The following TRMT2B variants were observed in gnomAD, a reference collection of about 807,000 sequenced individuals.
TRMT2B encodes tRNA methyltransferase 2B.
TRMT2B carries 34 observed loss-of-function variants against 39.7 expected under a neutral mutation model. The ratio of observed to expected loss-of-function variants is 0.86; its 90% CI spans 0.65 to 1.14. The LOEUF (loss-of-function observed/expected upper bound fraction) is 1.14, where lower values mean the gene tolerates loss of function less well. Among genes scored for constraint, TRMT2B ranks in the 50% most tolerant of loss-of-function variants. The pLI is 0.00. For synonymous variants in TRMT2B, 132 were observed against 137.3 expected, an observed-to-expected ratio of 0.96 and a Z score of 0.27; for missense variants, 318 against 377.2, an observed-to-expected ratio of 0.84 and a Z score of 1.30.
At chrX:100,985,727 A>G in the TRMT2B span, 1 of 1,208,638 alleles carries the variant, frequency 8.3e-7, no homozygotes, top group Non-Finnish European at 1.1e-6. Context: ...TTGTTAGATG[A>G]GTATGAACTT....
chrX:101,047,531 T>C (rs977538573), intron 2 of TRMT2B, among the ~76,000 whole-genome samples: 1 of 111,160 alleles, frequency 9.0e-6, no homozygotes. Flanking sequence ...TTTGTTTGTT[T>C]TAAAAATGAG....
At chrX:101,030,395 C>T (rs1210407153) in intron 7 of TRMT2B, among the ~76,000 whole-genome samples, 1 of 107,608 alleles carries the variant, frequency 9.3e-6, no homozygotes, top group South Asian at 4.1e-4. Flanking sequence ...TTGGAGATAC[C>T]GGACACATTG....
the TRMT2B span, among the ~76,000 whole-genome samples, chrX:100,982,416 C>T: frequency 9.1e-6 from 1 of 109,945 alleles, no homozygotes; most frequent in African/African-American, 3.3e-5. Flanking sequence ...TGCTTGAACT[C>T]GGGAGGCAAA....
At chrX:101,024,570 T>C (rs773166084) in intron 7 of TRMT2B, among the ~76,000 whole-genome samples, 1 of 111,288 alleles carries the variant, frequency 9.0e-6, no homozygotes, top group Non-Finnish European at 1.9e-5. Flanking sequence ...AAGCCTATAT[T>C]CCCAGCACTT....
At chrX:101,016,087 C>CA (rs754447251) in intron 13 of TRMT2B, among the ~76,000 whole-genome samples, 1 of 111,301 alleles carries the variant, frequency 9.0e-6, no homozygotes, top group Non-Finnish European at 1.9e-5. Flanking sequence ...CAAAACAAAA[C>CA]AAAAAAACAA....
the TRMT2B span, among the ~76,000 whole-genome samples, chrX:100,979,243 C>T: frequency 1.2e-4 from 13 of 111,723 alleles, no homozygotes; most frequent in South Asian, 4.8e-3. Flanking sequence ...CAGGTGATTT[C>T]TTATTGCTCA....
At chrX:101,038,722 T>C (rs2088019441) in intron 4 of TRMT2B, among the ~76,000 whole-genome samples, 1 of 112,021 alleles carries the variant, frequency 8.9e-6, no homozygotes, top group Admixed American at 9.6e-5. Context: ...ACTTGAAATG[T>C]GGTCAGTGGG....
intron 2 of TRMT2B, 103 bp from the exon 3 acceptor site, chrX:101,042,415 T>G (rs769208833): frequency 1.1e-6 from 1 of 890,776 alleles, no homozygotes; most frequent in African/African-American, 2.0e-5. Flanking sequence ...CCTAGCAGAA[T>G]GCTGGCACAC....
At chrX:100,985,772 G>A in the TRMT2B span, 38 of 1,209,379 alleles carry the variant, frequency 3.1e-5, no homozygotes, top group Middle Eastern at 2.3e-4. Context: ...CTGAAGGGCC[G>A]GGAAGCATGG....
In TRMT2B at chrX:101,021,317, TG is replaced by T; in HGVS notation, c.852-3del. On this transcript the variant is annotated splice_region_variant and splice_polypyrimidine_tract_variant and intron_variant, in intron 9 of 13. Coordinates refer to ENST00000372936, the MANE Select transcript of TRMT2B (RefSeq NM_024917.6). ...TGATGGCTGCAACGGGTCATGGTAC[TG>T]GAAAGGAATAAAAGAAGAAAGCATC... 1 of 1,197,077 alleles carries T rather than the reference TG, an allele frequency of 8.4e-7. No individual in the cohort carries two copies. The highest frequency in any genetic ancestry group is 3.0e-5 in the East Asian group (1 of 33,676).
At position 101,045,855 on chromosome X, in the gene TRMT2B, A is replaced by T. The variant is rs187871402; in HGVS notation, c.-23-3543T>A. On this transcript the variant is annotated intron_variant, in intron 2 of 13. Coordinates refer to ENST00000372936, the MANE Select transcript of TRMT2B (RefSeq NM_024917.6). ...TTTTAAAAATTAAGAAAATAAAAAT[A>T]AAAAAAACAGGCCAGGCGCAGTGGC... 7.7e-3 allele frequency among the ~76,000 whole-genome samples: 829 copies of T among 107,698 alleles called. 4 individuals carry two copies. The highest frequency in any genetic ancestry group is 0.026 in the African/African-American group (776 of 29,681). 93.5% of individuals were successfully genotyped at this position (107,698 alleles called of 115,157 possible). A position where few individuals can be genotyped will look rare whatever the true frequency, so the allele number is the denominator to read the frequency against.
In TRMT2B at chrX:101,042,007, C is replaced by T. The variant is rs1345417042; in HGVS notation, c.248+35G>A. On this transcript the variant is annotated intron_variant, in intron 3 of 13. Coordinates refer to ENST00000372936, the MANE Select transcript of TRMT2B (RefSeq NM_024917.6). Reference sequence around the variant, plus strand: ...TTTCAGCAGATGTACAGATTGAGACCTGCTAAGGAGAGAGGACATCAGCCT... The same window carrying T: ...TTTCAGCAGATGTACAGATTGAGACTTGCTAAGGAGAGAGGACATCAGCCT... 3.3e-6 allele frequency: 4 copies of T among 1,201,959 alleles called. No individual in the cohort carries two copies. The South Asian group carries it at 5.4e-5, about 16-fold the overall frequency.
chrX:101,012,045 TAGA>T (rs1352067769), intron 13 of TRMT2B, among the ~76,000 whole-genome samples: 2 of 111,647 alleles, frequency 1.8e-5, no homozygotes, highest in East Asian at 2.8e-4. Flanking sequence ...AAAACATAAG[TAGA>T]AGGAGTATCT....
At chrX:100,988,349 T>C in the TRMT2B span, 49 of 1,204,738 alleles carry the variant, frequency 4.1e-5, no homozygotes, top group East Asian at 1.4e-3. Context: ...CCAACTAACT[T>C]TCCCCCCCAT....
intron 13 of TRMT2B, among the ~76,000 whole-genome samples, chrX:101,012,682 C>A (rs1424302354): frequency 2.7e-5 from 3 of 110,725 alleles, no homozygotes; most frequent in African/African-American, 9.9e-5. Flanking sequence ...ATAGCAAAGA[C>A]TTGGAACCAA....
the TRMT2B span, chrX:100,988,168 T>C: frequency 8.6e-7 from 1 of 1,160,618 alleles, no homozygotes; most frequent in South Asian, 1.9e-5. Context: ...TTTCTACTAC[T>C]GCTGTCCTTT....
At chrX:101,003,682 A>C in the TRMT2B span, among the ~76,000 whole-genome samples, 246 of 112,061 alleles carry the variant, frequency 2.2e-3, 1 homozygote, top group Middle Eastern at 9.1e-3. Flanking sequence ...AATTACAAAG[A>C]GGAAAATTAC....
chrX:101,015,069 T>C (rs1321860121), intron 13 of TRMT2B, among the ~76,000 whole-genome samples: 1 of 112,051 alleles, frequency 8.9e-6, no homozygotes, highest in African/African-American at 3.2e-5. Flanking sequence ...AGATCTCTTA[T>C]TATCAGAACA....
the TRMT2B span, chrX:100,985,876 C>G: frequency 1.5e-5 from 18 of 1,207,792 alleles, no homozygotes; most frequent in Non-Finnish European, 1.9e-5. Context: ...CTTAACACAT[C>G]TGCTGTCCGA....
Sources: allele counts gnomAD v4.1 joint callset (sites outside exome capture counted in the v4.1 genomes callset), GRCh38; gene constraint gnomAD v4.1.1; transcripts MANE v1.5; gene names NCBI Gene and HGNC (gene_info 2026-07-23, HGNC 2026-07-21).